The following CDC42SE2 variants were observed in gnomAD, a reference collection of about 807,000 sequenced individuals.
CDC42SE2 encodes the protein CDC42 small effector 2.
Under a neutral mutation model 11.5 loss-of-function variants are expected in CDC42SE2, and 3 were observed. The ratio of observed to expected loss-of-function variants is 0.26; its 90% CI spans 0.12 to 0.67. The LOEUF is 0.67. CDC42SE2 is among the 30% of genes least tolerant of loss of function. CDC42SE2 has a pLI of 0.80. For missense variants in CDC42SE2, 82 were observed against 106.8 expected (o/e 0.77, Z 1.02); for synonymous variants, 33 against 34.8 (o/e 0.95, Z 0.18).
chr5:131,370,388 C>T (rs764735773), intron 3 of CDC42SE2, among the ~76,000 whole-genome samples: 8 of 151,912 alleles, frequency 5.3e-5, no homozygotes, highest in Non-Finnish European at 7.4e-5. Flanking sequence ...CATCTTGCCT[C>T]ATCTAATAGG....
intron 1 of CDC42SE2, among the ~76,000 whole-genome samples, chr5:131,288,166 G>GT (rs777809580): frequency 8.6e-5 from 13 of 151,832 alleles, no homozygotes; most frequent in Non-Finnish European, 1.8e-4. Flanking sequence ...TGAGGCTACA[G>GT]TGGGTCATGA....
chr5:131,285,429 A>G (rs755038212), intron 1 of CDC42SE2, among the ~76,000 whole-genome samples: 2 of 152,260 alleles, frequency 1.3e-5, no homozygotes, highest in Non-Finnish European at 2.9e-5. Context: ...AGCATATATT[A>G]TAAATAAAAT....
intron 2 of CDC42SE2, among the ~76,000 whole-genome samples, chr5:131,333,739 G>T (rs1426830992): frequency 2.6e-5 from 4 of 151,962 alleles, no homozygotes; most frequent in African/African-American, 9.7e-5. Flanking sequence ...ATTGTGAATG[G>T]GTGTTCACTC....
At chr5:131,337,584 A>T (rs947987395) in intron 2 of CDC42SE2, among the ~76,000 whole-genome samples, 1 of 152,256 alleles carries the variant, frequency 6.6e-6, no homozygotes, top group African/African-American at 2.4e-5. Context: ...CTACAGAGGC[A>T]GGCAGGCCTT....
At chr5:131,211,915 T>G in the CDC42SE2 span, among the ~76,000 whole-genome samples, 2 of 148,468 alleles carry the variant, frequency 1.3e-5, no homozygotes, top group Admixed American at 1.3e-4. Context: ...CCCAGGGAGG[T>G]GGAGGCTGCA....
At position 131,346,666 on chromosome 5, in the gene CDC42SE2, A is replaced by T. The variant is rs151176732; in HGVS notation, c.-285-12543A>T. On this transcript the variant is annotated intron_variant, in intron 2 of 4. Transcript: ENST00000505065. ...CACCAAGCCAACCTAATAGACATCT[A>T]CAGAACTCTCCACCCCAAATCAACA... 4.9e-3 allele frequency among the ~76,000 whole-genome samples: 748 copies of T among 152,354 alleles called. 4 individuals are homozygous for T. The highest frequency in any genetic ancestry group is 0.016 in the African/African-American group (686 of 41,582).
intron 2 of CDC42SE2, among the ~76,000 whole-genome samples, chr5:131,341,066 A>G (rs1758700218): frequency 6.6e-6 from 1 of 152,196 alleles, no homozygotes; most frequent in Non-Finnish European, 1.5e-5. Context: ...GCAAATTTGG[A>G]AAAATATTAA....
At chr5:131,317,607 C>T (rs1758067799) in intron 2 of CDC42SE2, among the ~76,000 whole-genome samples, 1 of 151,264 alleles carries the variant, frequency 6.6e-6, no homozygotes, top group African/African-American at 2.4e-5. Context: ...TGTTTTAAAG[C>T]TCTGTGAAAC....
chr5:131,309,784 G>T (rs1178737328), intron 1 of CDC42SE2, among the ~76,000 whole-genome samples: 1 of 152,046 alleles, frequency 6.6e-6, no homozygotes, highest in Non-Finnish European at 1.5e-5. Flanking sequence ...TGTGGGATCG[G>T]TGGTGATATC....
chr5:131,376,223 A>AAG (rs1265707263), intron 3 of CDC42SE2, among the ~76,000 whole-genome samples: 10 of 112,992 alleles, frequency 8.9e-5, no homozygotes, highest in African/African-American at 6.2e-4. Context: ...TGGGTGACGA[A>AAG]TGACTCTTGT....
the CDC42SE2 span, among the ~76,000 whole-genome samples, chr5:131,210,717 G>A: frequency 6.6e-6 from 1 of 152,140 alleles, no homozygotes; most frequent in Admixed American, 6.5e-5. Flanking sequence ...CTAGGTAGAG[G>A]TTTTATTTTT....
intron 1 of CDC42SE2, among the ~76,000 whole-genome samples, chr5:131,251,202 A>G (rs1219587770): frequency 6.6e-6 from 1 of 152,260 alleles, no homozygotes; most frequent in Non-Finnish European, 1.5e-5. Flanking sequence ...TGTTAACAGA[A>G]TATGAAAGTA....
intron 2 of CDC42SE2, among the ~76,000 whole-genome samples, chr5:131,318,603 T>C (rs992391034): frequency 4.6e-5 from 7 of 152,158 alleles, no homozygotes; most frequent in African/African-American, 1.7e-4. Flanking sequence ...ACTGAGTGAG[T>C]AGAGCAGAGA....
At chr5:131,216,507 A>AAAAAAAAC in the CDC42SE2 span, among the ~76,000 whole-genome samples, 7 of 146,792 alleles carry the variant, frequency 4.8e-5, no homozygotes, top group African/African-American at 1.5e-4. Context: ...GTCTCAAAAA[A>AAAAAAAAC]AAAAAAAAAA....
intron 1 of CDC42SE2, among the ~76,000 whole-genome samples, chr5:131,252,523 G>A (rs1442177652): frequency 2.0e-5 from 3 of 152,198 alleles, no homozygotes; most frequent in Non-Finnish European, 2.9e-5. Context: ...CGGGCGTGGT[G>A]GCGTGTGCCT....
At chr5:131,340,544 C>T (rs1758688196) in intron 2 of CDC42SE2, among the ~76,000 whole-genome samples, 1 of 152,088 alleles carries the variant, frequency 6.6e-6, no homozygotes, top group South Asian at 2.1e-4. Flanking sequence ...GATTTCTGTT[C>T]TGTATTAGTA....
intron 1 of CDC42SE2, among the ~76,000 whole-genome samples, chr5:131,250,387 G>A (rs1475785326): frequency 6.6e-6 from 1 of 152,182 alleles, no homozygotes. Flanking sequence ...ATTACATAGA[G>A]GAAACAACAA....
intron 2 of CDC42SE2, among the ~76,000 whole-genome samples, chr5:131,338,719 G>A (rs148495742): frequency 7.6e-4 from 116 of 152,262 alleles, no homozygotes; most frequent in South Asian, 6.4e-3. Flanking sequence ...GATACTGAGC[G>A]GAGGGATCCA....
intron 3 of CDC42SE2, among the ~76,000 whole-genome samples, chr5:131,360,422 C>G (rs1323021915): frequency 2.0e-5 from 3 of 151,926 alleles, no homozygotes; most frequent in Non-Finnish European, 4.4e-5. Context: ...ACCTGGCCTC[C>G]TTTTCATTTT....
Sources: allele counts gnomAD v4.1 joint callset (sites outside exome capture counted in the v4.1 genomes callset), GRCh38; gene constraint gnomAD v4.1.1; transcripts MANE v1.5; gene names NCBI Gene and HGNC (gene_info 2026-07-23, HGNC 2026-07-21).